NOX3: variants seen among roughly 807,000 people sequenced by gnomAD.
The protein encoded by NOX3 is NADPH oxidase catalytic subunit-like 3.
In NOX3, 74 loss-of-function variants were observed where a neutral mutation model predicts 76.7. The ratio of observed to expected loss-of-function variants is 0.96; its 90% confidence interval spans 0.80 to 1.17. The LOEUF (loss-of-function observed/expected upper bound fraction) is 1.17. Ranked by LOEUF, NOX3 falls within the 50% of genes most tolerant of loss-of-function variation. NOX3 has a pLI of 0.00. For missense variants in NOX3, 695 were observed against 703.3 expected (o/e 0.99, Z 0.13); for synonymous variants, 263 against 261.1 (o/e 1.01, Z -0.07).
chr6:155,445,996 T>TATATATAA (rs1554264831), intron 4 of NOX3, among the ~76,000 whole-genome samples: 2,060 of 134,314 alleles, frequency 0.015, 23 homozygotes, highest in Middle Eastern at 0.028. Flanking sequence ...TATATATATA[T>TATATATAA]AATATATATA....
intron 9 of NOX3, among the ~76,000 whole-genome samples, chr6:155,425,937 T>G (rs1184414872): frequency 6.6e-6 from 1 of 152,228 alleles, no homozygotes; most frequent in African/African-American, 2.4e-5. Flanking sequence ...GTTCTTTTTT[T>G]GGGCTTGCTT....
At chr6:155,416,962 G>T (rs568040448) in intron 10 of NOX3, among the ~76,000 whole-genome samples, 3 of 151,978 alleles carry the variant, frequency 2.0e-5, no homozygotes, top group African/African-American at 7.2e-5. Flanking sequence ...TGTTGGTCAG[G>T]CTGGTCTCCA....
chr6:155,422,021 C>T (rs1175296300), intron 10 of NOX3, among the ~76,000 whole-genome samples: 2 of 152,194 alleles, frequency 1.3e-5, no homozygotes, highest in African/African-American at 2.4e-5. Context: ...TGCAGGACGG[C>T]CCAGCACCAA....
chr6:155,419,117 G>T (rs1209034656), intron 10 of NOX3, among the ~76,000 whole-genome samples: 1 of 152,214 alleles, frequency 6.6e-6, no homozygotes, highest in Non-Finnish European at 1.5e-5. Flanking sequence ...TTAGTGGAAG[G>T]AGTAGTCTTT....
chr6:155,399,721 G>T (rs1291291093), intron 12 of NOX3, among the ~76,000 whole-genome samples: 1 of 143,044 alleles, frequency 7.0e-6, no homozygotes, highest in African/African-American at 2.8e-5. Context: ...GACAGATGTG[G>T]CAGCTTCCCT....
chr6:155,453,526 A>G (rs1264354879), intron 3 of NOX3, 38 bp from the exon 4 acceptor site: 1 of 1,467,792 alleles, frequency 6.8e-7, no homozygotes, highest in East Asian at 2.3e-5. Context: ...TTATGGAAAA[A>G]TTGCAGTGAA....
chr6:155,434,915 G>A (rs934973393), intron 7 of NOX3, among the ~76,000 whole-genome samples: 3 of 152,176 alleles, frequency 2.0e-5, no homozygotes, highest in Non-Finnish European at 4.4e-5. Flanking sequence ...TCAGAGCACC[G>A]TGAAAACGCC....
intron 6 of NOX3, among the ~76,000 whole-genome samples, chr6:155,437,553 C>G (rs915418768): frequency 6.6e-6 from 1 of 152,160 alleles, no homozygotes; most frequent in Non-Finnish European, 1.5e-5. Context: ...GGAAGCCATC[C>G]AAACTTGATA....
At chr6:155,442,060 C>T (rs1479886280) in intron 5 of NOX3, among the ~76,000 whole-genome samples, 1 of 152,148 alleles carries the variant, frequency 6.6e-6, no homozygotes, top group Non-Finnish European at 1.5e-5. Flanking sequence ...GTCAGGCGAT[C>T]AAGACCATCC....
rs140214056 is a variant in NOX3 at position 155,431,413 on chromosome 6, A to AAAACACAC, written c.799-479_799-478insGTGTGTTT. ...CAGGGTCTGCCTGAATAAACACAGA[A>AAAACACAC]ACACACACACACACACACACACACA... On this transcript the variant is annotated intron_variant, in intron 7 of 13. Transcript: ENST00000159060. 3.1e-3 allele frequency among the ~76,000 whole-genome samples: 446 copies of AAAACACAC among 144,730 alleles called. 2 individuals are homozygous for AAAACACAC. The highest frequency in any genetic ancestry group is 0.01 in the Middle Eastern group (3 of 292). The allele number at this position is 144,730 out of a possible 152,430, so 94.9% of individuals were successfully genotyped here. A position where few individuals can be genotyped will look rare whatever the true frequency, so the allele number is the denominator to read the frequency against.
intron 9 of NOX3, 88 bp from the exon 10 acceptor site, chr6:155,422,944 G>A: frequency 7.2e-7 from 1 of 1,383,400 alleles, no homozygotes; most frequent in Non-Finnish European, 1.0e-6. Context: ...GCTTTTTACA[G>A]GACGTGTTTG....
chr6:155,451,225 C>T (rs571712681), intron 4 of NOX3, among the ~76,000 whole-genome samples: 14 of 152,214 alleles, frequency 9.2e-5, no homozygotes, highest in South Asian at 4.2e-4. Context: ...GTAATCCACC[C>T]GCCCCGGCCT....
intron 8 of NOX3, among the ~76,000 whole-genome samples, chr6:155,430,241 C>T (rs1413067599): frequency 6.6e-6 from 1 of 152,182 alleles, no homozygotes; most frequent in East Asian, 1.9e-4. Flanking sequence ...CCGTCTTCCT[C>T]CAGCAAGAGG....
At chr6:155,453,089 G>A (rs1777168122) in intron 4 of NOX3, among the ~76,000 whole-genome samples, 1 of 152,144 alleles carries the variant, frequency 6.6e-6, no homozygotes, top group African/African-American at 2.4e-5. Context: ...TATTTCCAAA[G>A]TGAATTATAT....
intron 5 of NOX3, among the ~76,000 whole-genome samples, chr6:155,440,740 G>C (rs1776974277): frequency 6.7e-6 from 1 of 149,966 alleles, no homozygotes; most frequent in African/African-American, 2.4e-5. Context: ...AGCATGAAAA[G>C]AGCATTTTAA....
chr6:155,417,917 A>T (rs1776640814), intron 10 of NOX3, among the ~76,000 whole-genome samples: 1 of 152,168 alleles, frequency 6.6e-6, no homozygotes, highest in Admixed American at 6.5e-5. Flanking sequence ...ACACACTATA[A>T]ATACCCATTA....
chr6:155,435,576 A>G (rs1776894017), intron 7 of NOX3, among the ~76,000 whole-genome samples: 1 of 152,116 alleles, frequency 6.6e-6, no homozygotes, highest in Non-Finnish European at 1.5e-5. Flanking sequence ...TTGATGACTT[A>G]ATTTCCTAAA....
chr6:155,431,880 A>G (rs2114696607), intron 7 of NOX3, among the ~76,000 whole-genome samples: 1 of 152,278 alleles, frequency 6.6e-6, no homozygotes, highest in South Asian at 2.1e-4. Context: ...ACCCAGCCTG[A>G]GTTCTTACCA....
At position 155,429,062 on chromosome 6, in the gene NOX3, G is replaced by A; in HGVS notation, c.892-15C>T. 6.5e-7 allele frequency: 1 copy of A among 1,532,970 alleles called. No individual in the cohort carries two copies. Among genetic ancestry groups the A allele is most frequent in the Non-Finnish European group, 8.8e-7 (1 of 1,133,232 alleles). 95.0% of individuals were successfully genotyped at this position (1,532,970 alleles called of 1,614,324 possible). On this transcript the variant is annotated splice_polypyrimidine_tract_variant and intron_variant, in intron 8 of 13. Coordinates refer to ENST00000159060, the MANE Select transcript of NOX3 (RefSeq NM_015718.3). Reference sequence around the variant, plus strand: ...TGGCTTACCACCTATGTGAGAGTGAGAGAGTTGTTTGCCTTTGTCCTCGAA... The same window carrying A: ...TGGCTTACCACCTATGTGAGAGTGAAAGAGTTGTTTGCCTTTGTCCTCGAA...
Sources: allele counts gnomAD v4.1 joint callset (sites outside exome capture counted in the v4.1 genomes callset), GRCh38; gene constraint gnomAD v4.1.1; transcripts MANE v1.5; gene names NCBI Gene and HGNC (gene_info 2026-07-23, HGNC 2026-07-21).